Variants in NAALADL2 observed in about 807,000 individuals in gnomAD.
NAALADL2 encodes N-acetylated alpha-linked acidic dipeptidase like 2, also known as inactive N-acetylated-alpha-linked acidic dipeptidase-like protein 2.
In NAALADL2, 76 loss-of-function variants were observed where a neutral mutation model predicts 87.2. The ratio of observed to expected loss-of-function variants is 0.87; its 90% CI spans 0.72 to 1.05. The LOEUF (loss-of-function observed/expected upper bound fraction) is 1.05. Ranked by LOEUF, NAALADL2 falls within the 50% of genes least tolerant of loss-of-function variation. The probability of loss-of-function intolerance (pLI) is 0.00; values close to 1 mark genes in which losing one functional copy is unlikely to be tolerated. For missense variants in NAALADL2, 1,089 were observed against 945.8 expected (o/e 1.15, Z -1.99); for synonymous variants, 354 against 331.0 (o/e 1.07, Z -0.75).
intron 2 of NAALADL2, among the ~76,000 whole-genome samples, chr3:175,098,706 A>G (rs982945656): frequency 6.6e-6 from 1 of 152,174 alleles, no homozygotes; most frequent in African/African-American, 2.4e-5. Context: ...GAAAAAGGGA[A>G]AGTTGCAGAT....
chr3:175,504,565 TTCTCTCTCTCTCTC>T (rs200985901), intron 9 of NAALADL2, among the ~76,000 whole-genome samples: 39,713 of 134,176 alleles, frequency 0.3, 5,685 homozygotes, highest in South Asian at 0.36. Context: ...CTCTCTCTGT[TTCTCTCTCTCTCTC>T]TCTCTCTCTC....
intron 13 of NAALADL2, among the ~76,000 whole-genome samples, chr3:175,758,241 TG>T (rs1432797289): frequency 1.3e-5 from 2 of 152,066 alleles, no homozygotes; most frequent in African/African-American, 2.4e-5. Context: ...AAAGTGTCGA[TG>T]GTGATAATGT....
At chr3:174,643,288 T>C (rs1339540196) in intron 2 of NAALADL2, among the ~76,000 whole-genome samples, 1 of 152,046 alleles carries the variant, frequency 6.6e-6, no homozygotes, top group Admixed American at 6.6e-5. Context: ...AATAGGTGAA[T>C]AAGATAATCA....
At chr3:174,888,022 T>A (rs1281423413) in intron 1 of NAALADL2, among the ~76,000 whole-genome samples, 9 of 152,186 alleles carry the variant, frequency 5.9e-5, no homozygotes, top group African/African-American at 2.2e-4. Flanking sequence ...GCTGATCGCT[T>A]TGGATACGAT....
intron 11 of NAALADL2, among the ~76,000 whole-genome samples, chr3:175,678,534 C>G (rs1422905148): frequency 2.0e-5 from 3 of 152,142 alleles, no homozygotes; most frequent in Non-Finnish European, 4.4e-5. Flanking sequence ...CCATGGAATA[C>G]TATGCAGCCA....
intron 11 of NAALADL2, among the ~76,000 whole-genome samples, chr3:175,652,994 A>G (rs116623222): frequency 6.6e-6 from 1 of 152,178 alleles, no homozygotes; most frequent in Non-Finnish European, 1.5e-5. Flanking sequence ...TGTATGTTAT[A>G]TGTATTGTAC....
At chr3:175,437,309 GACAA>G (rs1207296768) in intron 5 of NAALADL2, among the ~76,000 whole-genome samples, 90 of 144,676 alleles carry the variant, frequency 6.2e-4, no homozygotes, top group African/African-American at 2.3e-3. Flanking sequence ...ACCAACAACA[GACAA>G]ACAGAGAGCC....
chr3:174,854,480 G>T (rs79348538), upstream of NAALADL2, among the ~76,000 whole-genome samples: 1 of 152,176 alleles, frequency 6.6e-6, no homozygotes, highest in African/African-American at 2.4e-5. Context: ...GCACAATAGG[G>T]TGACAATGGT....
At chr3:175,490,366 A>G (rs1727880213) in intron 9 of NAALADL2, among the ~76,000 whole-genome samples, 1 of 151,770 alleles carries the variant, frequency 6.6e-6, no homozygotes, top group Admixed American at 6.6e-5. Context: ...AAACATAAGT[A>G]TCTATTTGTT....
At chr3:174,790,442 G>A (rs1331593854) in intron 3 of NAALADL2, among the ~76,000 whole-genome samples, 2 of 152,020 alleles carry the variant, frequency 1.3e-5, no homozygotes, top group East Asian at 1.9e-4. Context: ...TTGAGGTCAG[G>A]AGTTCGAGAC....
intron 10 of NAALADL2, among the ~76,000 whole-genome samples, chr3:175,581,512 T>A (rs1357085930): frequency 1.3e-5 from 2 of 152,206 alleles, no homozygotes; most frequent in Non-Finnish European, 2.9e-5. Flanking sequence ...CATTATCTTT[T>A]GTAATATGTT....
intron 1 of NAALADL2, among the ~76,000 whole-genome samples, chr3:175,013,133 T>TAAATATATATAC (rs1750214435): frequency 1.0e-5 from 1 of 99,852 alleles, no homozygotes; most frequent in Non-Finnish European, 2.1e-5. Flanking sequence ...CATATTTATA[T>TAAATATATATAC]ATAAATATGT....
chr3:175,757,394 T>G (rs923016702), intron 13 of NAALADL2, among the ~76,000 whole-genome samples: 1 of 152,104 alleles, frequency 6.6e-6, no homozygotes, highest in Non-Finnish European at 1.5e-5. Flanking sequence ...AAGGTGCCCA[T>G]TAGTACTAAA....
intron 9 of NAALADL2, among the ~76,000 whole-genome samples, chr3:175,562,457 A>G (rs895914895): frequency 6.6e-5 from 10 of 151,750 alleles, no homozygotes; most frequent in Admixed American, 2.0e-4. Context: ...TACTGTTTTG[A>G]TATATTTTTA....
intron 1 of NAALADL2, among the ~76,000 whole-genome samples, chr3:174,880,853 T>A (rs186982929): frequency 1.3e-5 from 2 of 152,298 alleles, no homozygotes; most frequent in African/African-American, 4.8e-5. Flanking sequence ...TTGATTGGGT[T>A]AGATCCATAT....
intron 1 of NAALADL2, among the ~76,000 whole-genome samples, chr3:174,512,168 C>T (rs879535498): frequency 3.9e-5 from 6 of 152,004 alleles, no homozygotes; most frequent in East Asian, 1.9e-4. Context: ...AATAATTTTT[C>T]GAGTTTTTGT....
intron 3 of NAALADL2, among the ~76,000 whole-genome samples, chr3:174,738,250 A>G (rs1293767752): frequency 1.3e-5 from 2 of 152,218 alleles, no homozygotes; most frequent in Non-Finnish European, 2.9e-5. Context: ...CTGTTCATAC[A>G]TTATGGCTTA....
chr3:175,259,709 C>G (rs1750681095), intron 4 of NAALADL2, among the ~76,000 whole-genome samples: 1 of 152,130 alleles, frequency 6.6e-6, no homozygotes, highest in African/African-American at 2.4e-5. Flanking sequence ...TATACAGAAA[C>G]AAGCTTTTGA....
intron 1 of NAALADL2, among the ~76,000 whole-genome samples, chr3:175,029,929 T>A (rs373097022): frequency 6.6e-6 from 1 of 152,090 alleles, no homozygotes; most frequent in East Asian, 1.9e-4. Context: ...TGTCAGGCAA[T>A]ATATATGTTA....
Sources: gnomAD v4.1 joint callset for allele counts (sites outside exome capture counted in the v4.1 genomes callset) on GRCh38, gnomAD v4.1.1 for gene constraint, MANE v1.5 for transcripts, NCBI Gene and HGNC (gene_info 2026-07-23, HGNC 2026-07-21) for gene names.